ARID5B: variants seen among roughly 807,000 people sequenced by gnomAD.
ARID5B encodes AT-rich interactive domain-containing protein 5B.
A neutral mutation model predicts 97.2 loss-of-function variants in ARID5B; 13 were observed. The observed-to-expected ratio is 0.13, with a 90% CI of 0.09 to 0.21. The LOEUF is 0.21. Ranked by LOEUF, ARID5B falls within the 10% of genes least tolerant of loss-of-function variation. The pLI is 1.00. For synonymous variants in ARID5B, 556 were observed against 570.3 expected (o/e 0.97, Z 0.36); for missense variants, 1,210 against 1,465.3 (o/e 0.83, Z 2.84).
Position 61,902,175 on chromosome 10 carries a change from G to A in ARID5B, c.38G>A (p.Cys13Tyr), listed in dbSNP as rs1472043964. Residue 13 changes from cysteine to tyrosine, a missense_variant, in exon 2 of 10, where the codon TGT becomes TAT. Transcript: ENST00000279873. ...CCCCTGCAGTGGGTCGGCTCACCGT[G>A]TGGCTTGCACGGACCTTACATTTTC... is the stretch of plus-strand genomic sequence containing the variant. ...PNSLQWVGSP[C>Y]GLHGPYIFYK... The A allele has an allele frequency of 6.2e-7, 1 of 1,612,622 alleles. No individual in the cohort carries two copies. The highest frequency in any genetic ancestry group is 2.2e-5 in the East Asian group (1 of 44,892).
intron 3 of ARID5B, among the ~76,000 whole-genome samples, chr10:61,971,729 T>C (rs886094544): frequency 6.6e-6 from 1 of 152,114 alleles, no homozygotes. Context: ...AATTTTTAAA[T>C]GTTTTGTGTG....
In ARID5B at chr10:62,092,003, A is replaced by G. The variant is rs1369546481; in HGVS notation, c.2540A>G (p.His847Arg). 6.2e-6 allele frequency: 10 copies of G among 1,613,984 alleles called. No homozygotes were observed. Among genetic ancestry groups the G allele is most frequent in the Non-Finnish European group, 7.6e-6 (9 of 1,180,018 alleles). Reference sequence around the variant, plus strand: ...AGCCTCTACAGACACACCGAGCACCATCTTCATAATGAACAGACATCCAAA... The same window carrying G: ...AGCCTCTACAGACACACCGAGCACCGTCTTCATAATGAACAGACATCCAAA... ...LHSLYRHTEH[H>R]LHNEQTSKYP... is the part of the protein sequence containing the mutation. Residue 847 changes from histidine to arginine, a missense_variant, in exon 10 of 10, where the codon CAT becomes CGT. Physicochemically the swap from His to Arg is conservative, Grantham distance 29 (BLOSUM62 0). Around this residue, in one of 8 missense-constraint regions of ARID5B, gnomAD observed 800 missense variants for 839.1 expected, o/e 0.95. Transcript: ENST00000279873.
Position 62,069,806 on chromosome 10 carries a change from C to A in ARID5B, c.1199+9C>A, listed in dbSNP as rs774753540. 6.2e-7 allele frequency: 1 copy of A among 1,612,120 alleles called. No homozygotes were observed. The highest frequency in any genetic ancestry group is 1.3e-5 in the African/African-American group (1 of 74,878). On this transcript the variant is annotated intron_variant, in intron 8 of 9. Transcript: ENST00000279873. ...CGCAGACATTATGAAAGGTAAGAAACCATTTCATGGAATTGCTTAGTTAAA... is the reference window on the plus strand; with the variant it reads ...CGCAGACATTATGAAAGGTAAGAAAACATTTCATGGAATTGCTTAGTTAAA...
At chr10:61,908,799 CAAAAAAA>C (rs369792859) in intron 2 of ARID5B, among the ~76,000 whole-genome samples, 22 of 51,004 alleles carry the variant, frequency 4.3e-4, no homozygotes, top group African/African-American at 1.5e-3. Context: ...GACTCCATCT[CAAAAAAA>C]AAAAAAAAAA....
chr10:61,988,934 TA>T (rs1838883800), intron 3 of ARID5B, among the ~76,000 whole-genome samples: 1 of 85,478 alleles, frequency 1.2e-5, no homozygotes, highest in Admixed American at 1.8e-4. Flanking sequence ...TTTTTTCTTT[TA>T]CTTTTTTTTT....
intron 4 of ARID5B, among the ~76,000 whole-genome samples, chr10:62,040,933 G>A (rs996945073): frequency 6.6e-6 from 1 of 152,164 alleles, no homozygotes; most frequent in African/African-American, 2.4e-5. Context: ...ATGTAAAGAA[G>A]CTGTAACCTC....
At position 61,969,602 on chromosome 10, in the gene ARID5B, G is replaced by A. The variant is rs1413280280; in HGVS notation, c.502+29194G>A. 1.2e-4 allele frequency among the ~76,000 whole-genome samples: 18 copies of A among 152,160 alleles called. No individual in the cohort carries two copies. The South Asian group carries it at 1.7e-3, about 14-fold the overall frequency. ...ACCAAATCAGCCTTCTTGACCCTTC[G>A]GCTTAGCATTTTCAAGTCATTGACA... On this transcript the variant is annotated intron_variant, in intron 3 of 9. Transcript: ENST00000279873.
At chr10:61,967,164 T>A (rs546735225) in intron 3 of ARID5B, among the ~76,000 whole-genome samples, 2 of 152,320 alleles carry the variant, frequency 1.3e-5, no homozygotes, top group African/African-American at 4.8e-5. Flanking sequence ...CTTCCAATGG[T>A]GTCATCTGCA....
intron 8 of ARID5B, among the ~76,000 whole-genome samples, chr10:62,085,426 A>G (rs1314080381): frequency 6.6e-6 from 1 of 152,150 alleles, no homozygotes; most frequent in Non-Finnish European, 1.5e-5. Context: ...TGATGGTGAT[A>G]TTGTTAATGT....
chr10:61,934,038 G>A (rs914277826), intron 2 of ARID5B, among the ~76,000 whole-genome samples: 1 of 152,144 alleles, frequency 6.6e-6, no homozygotes. Context: ...TAGATCTTCT[G>A]GTAAACTTGC....
chr10:61,991,041 T>TAAAC (rs1554842858), intron 3 of ARID5B, among the ~76,000 whole-genome samples: 2 of 145,156 alleles, frequency 1.4e-5, no homozygotes, highest in Middle Eastern at 3.4e-3. Context: ...ATTTATCCTG[T>TAAAC]ACACACACAC....
At chr10:61,999,654 T>C (rs1170703361) in intron 3 of ARID5B, among the ~76,000 whole-genome samples, 1 of 152,228 alleles carries the variant, frequency 6.6e-6, no homozygotes, top group Non-Finnish European at 1.5e-5. Flanking sequence ...GGAACCATCG[T>C]TCAGTTGAGG....
chr10:62,023,984 A>G lies in ARID5B; in HGVS notation c.733+23663A>G, dbSNP rs148703431. On this transcript the variant is annotated intron_variant, in intron 4 of 9. Coordinates refer to ENST00000279873, the MANE Select transcript of ARID5B (RefSeq NM_032199.3). Reference sequence around the variant, plus strand: ...ACAAAGATATGGAAAACTCTGATTTAAGTGCCTGCCCCCTCTGCAGCTTCA... The same window carrying G: ...ACAAAGATATGGAAAACTCTGATTTGAGTGCCTGCCCCCTCTGCAGCTTCA... Among the ~76,000 whole-genome samples, 225 of 152,264 alleles carry G rather than the reference A, an allele frequency of 1.5e-3. 1 individual carries two copies. Among genetic ancestry groups the G allele is most frequent in the African/African-American group, 5.3e-3 (219 of 41,556 alleles).
chr10:61,926,035 A>C (rs1430847801), intron 2 of ARID5B, among the ~76,000 whole-genome samples: 1 of 152,148 alleles, frequency 6.6e-6, no homozygotes. Context: ...ATTAGAACCC[A>C]ATACACTAAA....
At chr10:61,914,621 G>A (rs1038342717) in intron 2 of ARID5B, among the ~76,000 whole-genome samples, 2 of 152,172 alleles carry the variant, frequency 1.3e-5, no homozygotes, top group African/African-American at 4.8e-5. Context: ...TCTCTTTCCC[G>A]AAACCATCTG....
chr10:62,049,305 T>C (rs1380294698), intron 4 of ARID5B: 40 of 1,482,154 alleles, frequency 2.7e-5, no homozygotes, highest in Non-Finnish European at 3.6e-5. Context: ...ACATGAGTAA[T>C]GGAGCTGCCG....
chr10:61,969,507 A>G (rs191401136), intron 3 of ARID5B, among the ~76,000 whole-genome samples: 4 of 152,136 alleles, frequency 2.6e-5, no homozygotes, highest in Admixed American at 6.6e-5. Context: ...CGACAGCTGG[A>G]CAGACCATAC....
At chr10:62,013,129 G>A (rs574140294) in intron 4 of ARID5B, among the ~76,000 whole-genome samples, 4 of 152,210 alleles carry the variant, frequency 2.6e-5, no homozygotes, top group South Asian at 4.1e-4. Context: ...CCAGAGTTTC[G>A]CCTGGGCTCC....
At chr10:61,953,785 T>G (rs1838355431) in intron 3 of ARID5B, among the ~76,000 whole-genome samples, 1 of 152,214 alleles carries the variant, frequency 6.6e-6, no homozygotes, top group Non-Finnish European at 1.5e-5. Flanking sequence ...TTAGATCATC[T>G]ATAGGGGTAC....
Sources: gnomAD v4.1 joint callset for allele counts (sites outside exome capture counted in the v4.1 genomes callset) on GRCh38, gnomAD v4.1.1 for gene constraint, gnomAD v4.1.1 regional missense constraint, MANE v1.5 for transcripts, NCBI Gene and HGNC (gene_info 2026-07-23, HGNC 2026-07-21) for gene names.